CADPS: variants seen among roughly 807,000 people sequenced by gnomAD.
CADPS encodes the protein calcium-dependent secretion activator 1.
A neutral mutation model predicts 167.3 loss-of-function variants in CADPS; 57 were observed. That is an observed-to-expected ratio of 0.34 (90% confidence interval 0.28 to 0.42). CADPS has a LOEUF of 0.42. Ranked by LOEUF, CADPS falls within the 20% of genes least tolerant of loss-of-function variation. The pLI, the probability that CADPS is intolerant of heterozygous loss-of-function variation, is 1.00. For synonymous variants in CADPS, 676 were observed against 635.3 expected, an observed-to-expected ratio of 1.06 and a Z score of -0.96; for missense variants, 1,414 against 1,738.1, an observed-to-expected ratio of 0.81 and a Z score of 3.32.
chr3:62,619,596 G>T (rs1404060079), intron 6 of CADPS, among the ~76,000 whole-genome samples: 1 of 152,100 alleles, frequency 6.6e-6, no homozygotes, highest in African/African-American at 2.4e-5. Context: ...TTAGAGGAGA[G>T]GAGGCTTTCT....
Position 62,618,029 on chromosome 3 carries a change from A to G in CADPS, c.1326-25281T>C, listed in dbSNP as rs981821350. Among the ~76,000 whole-genome samples the G allele has an allele frequency of 5.9e-5, 9 of 152,150 alleles. No homozygotes were observed. In the East Asian group the frequency reaches 1.7e-3, roughly 30 times the overall value. On this transcript the variant is annotated intron_variant, in intron 6 of 29. Coordinates refer to ENST00000383710, the MANE Select transcript of CADPS (RefSeq NM_003716.4). ...GACAGGTGGTCGTTCTTGACACTGC[A>G]TTTCCTGGGCCATGGACTGGTTCAT...
At position 62,602,934 on chromosome 3, in the gene CADPS, C is replaced by A. The variant is rs1420043725; in HGVS notation, c.1326-10186G>T. 6.6e-6 allele frequency among the ~76,000 whole-genome samples: 1 copy of A among 152,146 alleles called. No homozygotes were observed. The highest frequency in any genetic ancestry group is 1.5e-5 in the Non-Finnish European group (1 of 68,028). On this transcript the variant is annotated intron_variant, in intron 6 of 29. Transcript: ENST00000383710. This position sits in a 1 kb window ranked among gnomAD's most constrained non-coding sequence, Gnocchi z 4.4. ...CGTCTTGTCACCGGATCTTTCAAAT[C>A]CCCTACGTATATCACAAATCTGATT...
intron 1 of CADPS, among the ~76,000 whole-genome samples, chr3:62,837,433 C>T (rs902548333): frequency 2.0e-5 from 3 of 152,194 alleles, no homozygotes; most frequent in Admixed American, 6.5e-5. Flanking sequence ...TGCCAGGGCA[C>T]TTAATAGCCC....
intron 3 of CADPS, among the ~76,000 whole-genome samples, chr3:62,667,257 A>G (rs1580021082): frequency 6.6e-6 from 1 of 151,976 alleles, no homozygotes; most frequent in Admixed American, 6.6e-5. Context: ...GTTATCCCCT[A>G]TTTTAGAATG....
rs944043921 is a variant in CADPS, at chr3:62,550,963, C to A, written c.1754-848G>T. ...GCTGCTCCTTAGTCTTGTCTGGTGG[C>A]TCCTCCTCCTCCTCTTCCTGATTTT... On this transcript the variant is annotated intron_variant, in intron 10 of 29. Transcript: ENST00000383710. 3 of 454,568 alleles carry A rather than the reference C, an allele frequency of 6.6e-6. No individual in the cohort carries two copies. The Admixed American group carries it at 7.1e-5, about 11-fold the overall frequency. The allele number at this position is 454,568 out of a possible 1,614,324, so 28.2% of individuals were successfully genotyped here. A position where few individuals can be genotyped will look rare whatever the true frequency, so the allele number is the denominator to read the frequency against.
rs572412747 is a variant in CADPS at position 62,561,060 on chromosome 3, A to C, written c.1645-3547T>G. On this transcript the variant is annotated intron_variant, in intron 9 of 29. Coordinates refer to ENST00000383710, the MANE Select transcript of CADPS (RefSeq NM_003716.4). ...CACCACTGCACTCCAGCCTGGGAGA[A>C]AGAGCGAAACTCCATCTCAAAAAAA... is the stretch of plus-strand genomic sequence containing the variant. Among the ~76,000 whole-genome samples the C allele has an allele frequency of 3.8e-4, 55 of 143,530 alleles. No individual in the cohort carries two copies. The South Asian group carries it at 0.013, about 34-fold the overall frequency. 94.2% of individuals were successfully genotyped at this position (143,530 alleles called of 152,430 possible).
intron 1 of CADPS, among the ~76,000 whole-genome samples, chr3:62,836,533 C>G (rs956115168): frequency 6.6e-6 from 1 of 152,036 alleles, no homozygotes; most frequent in Admixed American, 6.6e-5. Context: ...TGGAAATTTT[C>G]AAGGTTGAGT....
intron 5 of CADPS, 85 bp from the exon 6 acceptor site, chr3:62,645,928 A>G: frequency 1.3e-6 from 2 of 1,497,856 alleles, no homozygotes; most frequent in Non-Finnish European, 1.8e-6. Flanking sequence ...ATGAGAAGCT[A>G]CAGAGAAAAC....
chr3:62,497,904 A>G (rs561089867), intron 18 of CADPS, among the ~76,000 whole-genome samples: 2 of 152,222 alleles, frequency 1.3e-5, no homozygotes, highest in Non-Finnish European at 2.9e-5. Flanking sequence ...GTTGGGATGT[A>G]ACTGCAGTCG....
At chr3:62,689,180 T>G (rs1296554805) in intron 3 of CADPS, among the ~76,000 whole-genome samples, 1 of 152,020 alleles carries the variant, frequency 6.6e-6, no homozygotes, top group Non-Finnish European at 1.5e-5. Context: ...CTAAAGTGTT[T>G]TTCTCTAGGC....
rs746583139 is a variant in CADPS, at chr3:62,616,961, A to G, written c.1326-24213T>C. Among the ~76,000 whole-genome samples the G allele has an allele frequency of 4.1e-4, 63 of 152,198 alleles. 1 individual carries two copies. The highest frequency in any genetic ancestry group is 6.8e-4 in the Non-Finnish European group (46 of 68,036). On this transcript the variant is annotated intron_variant, in intron 6 of 29. Coordinates refer to ENST00000383710, the MANE Select transcript of CADPS (RefSeq NM_003716.4). The stretch of plus-strand genomic sequence containing the variant: ...AAAAATATCCTGCAGACAAAAACAG[A>G]CATCTTAGATTTTGTAATTTTATTT...
At chr3:62,628,474 G>C (rs1234557515) in intron 6 of CADPS, among the ~76,000 whole-genome samples, 2 of 152,054 alleles carry the variant, frequency 1.3e-5, no homozygotes, top group Non-Finnish European at 2.9e-5. Flanking sequence ...CTTCCCAGGT[G>C]GGGTGACAAA....
At chr3:62,570,374 A>G (rs1056260358) in intron 9 of CADPS, among the ~76,000 whole-genome samples, 1 of 152,224 alleles carries the variant, frequency 6.6e-6, no homozygotes, top group African/African-American at 2.4e-5. Flanking sequence ...TTCAAATTCA[A>G]ACACACTAAA....
intron 1 of CADPS, among the ~76,000 whole-genome samples, chr3:62,820,754 A>G (rs1356530423): frequency 1.3e-5 from 2 of 148,390 alleles, no homozygotes; most frequent in Non-Finnish European, 3.0e-5. Context: ...TCTCCTCTTT[A>G]CTAGACAATT....
chr3:62,806,303 C>T (rs2094091406), intron 1 of CADPS, among the ~76,000 whole-genome samples: 1 of 149,316 alleles, frequency 6.7e-6, no homozygotes, highest in Non-Finnish European at 1.5e-5. Flanking sequence ...TTTCATTGAA[C>T]ATCTACTTTA....
At chr3:62,503,424 T>C (rs1418992911) in intron 17 of CADPS, among the ~76,000 whole-genome samples, 2 of 152,202 alleles carry the variant, frequency 1.3e-5, no homozygotes, top group Non-Finnish European at 2.9e-5. Context: ...ATGGGACTGA[T>C]CTCTGTAAAG....
chr3:62,653,402 G>A (rs965783463), intron 4 of CADPS, among the ~76,000 whole-genome samples: 1 of 152,130 alleles, frequency 6.6e-6, no homozygotes, highest in Non-Finnish European at 1.5e-5. Context: ...GAATCTGATG[G>A]TGGCTTGATT....
chr3:62,640,376 A>C (rs2067178677), intron 6 of CADPS, among the ~76,000 whole-genome samples: 1 of 152,196 alleles, frequency 6.6e-6, no homozygotes, highest in Non-Finnish European at 1.5e-5. Context: ...AATTTAATAG[A>C]ACTCCATTTC....
Position 62,455,526 on chromosome 3 carries a change from A to G in CADPS, c.3637-9729T>C, listed in dbSNP as rs1422277984. Among the ~76,000 whole-genome samples, 1 of 152,176 alleles carries G rather than the reference A, an allele frequency of 6.6e-6. No individual in the cohort carries two copies. On this transcript the variant is annotated intron_variant, in intron 26 of 29. Coordinates refer to ENST00000383710, the MANE Select transcript of CADPS (RefSeq NM_003716.4). The surrounding 1 kb of genome is among the most constrained non-coding windows in gnomAD (Gnocchi z 4.4). ...TTTGCCCTCCTAATGGCCACATTGT[A>G]TGCTTTTCCATTTTGTTGATTTTTG...
Sources: gnomAD v4.1 joint callset for allele counts (sites outside exome capture counted in the v4.1 genomes callset) on GRCh38, gnomAD v4.1.1 for gene constraint, Gnocchi (gnomAD v3.1) non-coding constraint, MANE v1.5 for transcripts, NCBI Gene and HGNC (gene_info 2026-07-23, HGNC 2026-07-21) for gene names.